The following RSF1 variants were observed in gnomAD, a reference collection of about 807,000 sequenced individuals.
RSF1 encodes the protein HBV pX-associated protein 8.
In RSF1, 13 loss-of-function variants were observed where a neutral mutation model predicts 145.2. That is an observed-to-expected ratio of 0.09 (90% confidence interval 0.06 to 0.14). The LOEUF is 0.14. Among genes scored for constraint, RSF1 ranks in the 10% least tolerant of loss-of-function variants. The pLI is 1.00. For synonymous variants in RSF1, 577 were observed against 592.6 expected (o/e 0.97, Z 0.38); for missense variants, 1,517 against 1,718.2 (o/e 0.88, Z 2.07).
At chr11:77,834,441 GTT>G in the RSF1 span, among the ~76,000 whole-genome samples, 50 of 105,526 alleles carry the variant, frequency 4.7e-4, no homozygotes, top group South Asian at 1.0e-3. Flanking sequence ...AGTTGATTTT[GTT>G]TTTTTTTTTT....
chr11:77,859,458 C>A, the RSF1 span, among the ~76,000 whole-genome samples: 76 of 152,310 alleles, frequency 5.0e-4, 1 homozygote, highest in Non-Finnish European at 8.4e-4. Context: ...TTCCTTTTCT[C>A]TCCATATTGC....
At chr11:77,821,172 G>C (rs1001252996), upstream of RSF1, 1 of 373,210 alleles carries the variant, frequency 2.7e-6, no homozygotes, top group Non-Finnish European at 4.8e-6. Context: ...CCGAAGCAGC[G>C]CTGGGAGCGT....
chr11:77,782,815 C>T (rs1055357797), intron 1 of RSF1, among the ~76,000 whole-genome samples: 3 of 152,296 alleles, frequency 2.0e-5, no homozygotes, highest in East Asian at 1.9e-4. Flanking sequence ...TTAACAGACA[C>T]TATTGATGAT....
chr11:77,730,016 A>T (rs556024362), intron 4 of RSF1, among the ~76,000 whole-genome samples: 1 of 151,998 alleles, frequency 6.6e-6, no homozygotes, highest in African/African-American at 2.4e-5. Flanking sequence ...AATGAGCACT[A>T]TGTTCCAAGC....
At position 77,678,088 on chromosome 11, in the gene RSF1, C is replaced by A. The variant is rs746357061; in HGVS notation, c.3131G>T (p.Gly1044Val). The A allele has an allele frequency of 9.9e-6, 16 of 1,611,334 alleles. No individual in the cohort carries two copies. The highest frequency in any genetic ancestry group is 1.0e-5 in the Non-Finnish European group (12 of 1,178,106). Residue 1044 changes from glycine (G) to valine (V), a missense_variant and splice_region_variant, in exon 12 of 16, where the codon GGA becomes GTA. Around this residue, in one of 12 missense-constraint regions of RSF1, gnomAD observed 231 missense variants for 276.6 expected, o/e 0.84. Coordinates refer to ENST00000308488, the MANE Select transcript of RSF1 (RefSeq NM_016578.4). ...AAGAGAGAACGACAAACACATACCT[C>A]CTCCATCGGCTTCTTTGATGTCATC... ...IEDDIKEADG[G>V]GVGRGKDIST...
intron 4 of RSF1, among the ~76,000 whole-genome samples, chr11:77,734,236 A>ATTCT (rs148104352): frequency 0.18 from 27,027 of 151,800 alleles, 3,005 homozygotes; most frequent in African/African-American, 0.3. Flanking sequence ...TTAAAGTATA[A>ATTCT]TTATATATAA....
rs970557324 is a variant in RSF1, at chr11:77,665,441, C to A, written c.*1476G>T. ...TAGGTTTAATCACAAGTGCTACACT[C>A]TGTACAATGTTATGGCTCTGCCTGA... On this transcript the variant is annotated 3_prime_UTR_variant, in exon 16 of 16. Transcript: ENST00000308488. 1 of 152,226 alleles carries A rather than the reference C, an allele frequency of 6.6e-6. No homozygotes were observed. Among genetic ancestry groups the A allele is most frequent in the Non-Finnish European group, 1.5e-5 (1 of 68,044 alleles). 9.4% of individuals were successfully genotyped at this position (152,226 alleles called of 1,614,324 possible). A position where few individuals can be genotyped will look rare whatever the true frequency, so the allele number is the denominator to read the frequency against.
intron 14 of RSF1, among the ~76,000 whole-genome samples, chr11:77,674,783 T>A (rs1348421921): frequency 1.3e-5 from 2 of 152,214 alleles, no homozygotes; most frequent in South Asian, 4.1e-4. Context: ...GCAGATCACC[T>A]GAGGTCGGGA....
chr11:77,711,671 A>AAAAC (rs60296832), intron 5 of RSF1, among the ~76,000 whole-genome samples: 25,627 of 151,602 alleles, frequency 0.17, 2,640 homozygotes, highest in African/African-American at 0.27. Context: ...GTCCGTCTCA[A>AAAAC]AAACAAACAA....
At chr11:77,670,926 G>A (rs952716705) in intron 15 of RSF1, among the ~76,000 whole-genome samples, 4 of 150,674 alleles carry the variant, frequency 2.7e-5, no homozygotes, top group Non-Finnish European at 5.9e-5. Flanking sequence ...GGCCAACATG[G>A]TGAAACCCCA....
intron 1 of RSF1, among the ~76,000 whole-genome samples, chr11:77,767,513 TTCTC>T (rs373974830): frequency 6.6e-6 from 1 of 152,232 alleles, no homozygotes; most frequent in Non-Finnish European, 1.5e-5. Flanking sequence ...TCTGCAATTC[TTCTC>T]TCTTACTTCC....
At chr11:77,703,254 T>A (rs1960466783) in intron 5 of RSF1, 1 of 152,176 alleles carries the variant, frequency 6.6e-6, no homozygotes, top group East Asian at 1.9e-4. Flanking sequence ...TGTCAATTCT[T>A]CTTTATACCT....
intron 1 of RSF1, among the ~76,000 whole-genome samples, chr11:77,812,160 CAG>C (rs1258806654): frequency 2.6e-5 from 4 of 152,142 alleles, no homozygotes; most frequent in African/African-American, 9.7e-5. Flanking sequence ...GCCTGGGTGA[CAG>C]AGTGAGACCC....
chr11:77,732,661 A>G (rs117397576), intron 4 of RSF1, among the ~76,000 whole-genome samples: 1,964 of 152,212 alleles, frequency 0.013, 18 homozygotes, highest in Non-Finnish European at 0.019. Flanking sequence ...GGTTTTAAAA[A>G]CAGGAGTTCC....
At chr11:77,803,471 A>C (rs917355802) in intron 1 of RSF1, among the ~76,000 whole-genome samples, 13 of 151,142 alleles carry the variant, frequency 8.6e-5, no homozygotes, top group Non-Finnish European at 1.3e-4. Context: ...TCACAAAACA[A>C]ATACCCTAAT....
the RSF1 span, among the ~76,000 whole-genome samples, chr11:77,867,581 AAGGATAG>A: frequency 2.0e-5 from 3 of 152,202 alleles, no homozygotes; most frequent in African/African-American, 4.8e-5. Flanking sequence ...GAATGAATGA[AAGGATAG>A]AGGTATATGG....
intron 7 of RSF1, among the ~76,000 whole-genome samples, chr11:77,694,936 T>C (rs1960245741): frequency 6.6e-6 from 1 of 152,198 alleles, no homozygotes; most frequent in African/African-American, 2.4e-5. Flanking sequence ...ACTGGGGTTC[T>C]GGGTTTTGGA....
intron 14 of RSF1, among the ~76,000 whole-genome samples, chr11:77,674,222 C>A (rs1022377757): frequency 2.0e-5 from 3 of 152,142 alleles, no homozygotes; most frequent in African/African-American, 7.2e-5. Context: ...AAAAAACCCA[C>A]AAGGATGGCC....
intron 9 of RSF1, among the ~76,000 whole-genome samples, chr11:77,689,376 T>C (rs1960090997): frequency 6.6e-6 from 1 of 152,212 alleles, no homozygotes; most frequent in Non-Finnish European, 1.5e-5. Flanking sequence ...CTATTCACAA[T>C]TTGGCCTTAC....
Sources: gnomAD v4.1 joint callset for allele counts (sites outside exome capture counted in the v4.1 genomes callset) on GRCh38, gnomAD v4.1.1 for gene constraint, gnomAD v4.1.1 regional missense constraint, MANE v1.5 for transcripts, NCBI Gene and HGNC (gene_info 2026-07-23, HGNC 2026-07-21) for gene names.